Variants in BCAR3 observed in about 807,000 individuals in gnomAD.
BCAR3 encodes BCAR3 adaptor protein, NSP family member, also known as breast cancer anti-estrogen resistance protein 3.
BCAR3 carries 37 observed loss-of-function variants against 80.1 expected under a neutral mutation model. That is an observed-to-expected ratio of 0.46 (90% CI 0.36 to 0.61). BCAR3 has a LOEUF of 0.61. BCAR3 is among the 20% of genes least tolerant of loss of function. The pLI is 0.00. For missense variants in BCAR3, 978 were observed against 1,068.2 expected (o/e 0.92, Z 1.18); for synonymous variants, 389 against 418.9 (o/e 0.93, Z 0.87).
At chr1:93,759,564 T>C (rs1651863652) in intron 2 of BCAR3, among the ~76,000 whole-genome samples, 1 of 152,192 alleles carries the variant, frequency 6.6e-6, no homozygotes, top group South Asian at 2.1e-4. Context: ...TCCTGTTTTT[T>C]CTTCATTTTC....
At position 93,822,821 on chromosome 1, in the gene BCAR3, C is replaced by CATTTAAAGGGCCCGCAGCAGCA. The variant is rs1553174637; in HGVS notation, c.-63+22745_-63+22746insTGCTGCTGCGGGCCCTTTAAAT. 2.3e-4 allele frequency among the ~76,000 whole-genome samples: 31 copies of CATTTAAAGGGCCCGCAGCAGCA among 136,764 alleles called. 2 individuals carry two copies. Among genetic ancestry groups the CATTTAAAGGGCCCGCAGCAGCA allele is most frequent in the East Asian group, 1.4e-3 (5 of 3,622 alleles). 89.7% of individuals were successfully genotyped at this position (136,764 alleles called of 152,430 possible). Reference sequence around the variant, plus strand: ...CAGACACCTATGCTTACCTACCCATCAACTCATCACCACTCACTCTTGACT... The same window carrying CATTTAAAGGGCCCGCAGCAGCA: ...CAGACACCTATGCTTACCTACCCATCATTTAAAGGGCCCGCAGCAGCAAACTCATCACCACTCACTCTTGACT... On this transcript the variant is annotated intron_variant, in intron 2 of 13. Coordinates refer to the BCAR3 transcript ENST00000370244.
chr1:93,799,783 T>C (rs976860995), intron 2 of BCAR3, among the ~76,000 whole-genome samples: 17 of 152,324 alleles, frequency 1.1e-4, no homozygotes, highest in Admixed American at 3.3e-4. Context: ...TAGTTGGGCT[T>C]CCAGTATAAC....
At chr1:93,693,750 G>T (rs923054443) in intron 3 of BCAR3, among the ~76,000 whole-genome samples, 4 of 152,126 alleles carry the variant, frequency 2.6e-5, no homozygotes, top group African/African-American at 9.7e-5. Context: ...TGTAAACACG[G>T]ACTGCTGTGA....
intron 2 of BCAR3, among the ~76,000 whole-genome samples, chr1:93,759,540 T>C (rs776395306): frequency 2.0e-5 from 3 of 152,106 alleles, no homozygotes; most frequent in Non-Finnish European, 4.4e-5. Flanking sequence ...CAAGCAATTT[T>C]TGCTTTTTAA....
upstream of BCAR3, among the ~76,000 whole-genome samples, chr1:93,685,702 C>T (rs1395495377): frequency 6.6e-6 from 1 of 152,054 alleles, no homozygotes; most frequent in Non-Finnish European, 1.5e-5. Flanking sequence ...ATAAATAATG[C>T]CAAATTGCCT....
chr1:93,766,073 C>A (rs952290505), intron 2 of BCAR3, among the ~76,000 whole-genome samples: 2 of 152,192 alleles, frequency 1.3e-5, no homozygotes, highest in Non-Finnish European at 2.9e-5. Flanking sequence ...TACCCTTTGA[C>A]CATCATCTCC....
At chr1:93,713,393 G>A (rs1021575445) in intron 2 of BCAR3, among the ~76,000 whole-genome samples, 1 of 152,130 alleles carries the variant, frequency 6.6e-6, no homozygotes. Flanking sequence ...CAGATTCCTG[G>A]TCCAAGATTC....
chr1:93,675,192 A>T lies in BCAR3; in HGVS notation c.-11-251T>A, dbSNP rs61781001. Among the ~76,000 whole-genome samples the T allele has an allele frequency of 5.1e-3, 771 of 152,340 alleles. 3 individuals are homozygous for T. The highest frequency in any genetic ancestry group is 8.3e-3 in the Non-Finnish European group (563 of 68,034). On this transcript the variant is annotated intron_variant, in intron 1 of 11. Coordinates refer to ENST00000260502, the MANE Select transcript of BCAR3 (RefSeq NM_003567.4). ...AAACCAAGAGGGCAAACACTTTCAG[A>T]GTTGTTAGAGGCATATAAGCCATGC...
chr1:93,693,222 AG>A (rs1228532682), intron 3 of BCAR3, among the ~76,000 whole-genome samples: 1 of 152,244 alleles, frequency 6.6e-6, no homozygotes, highest in African/African-American at 2.4e-5. Flanking sequence ...TACCCAGTAC[AG>A]GGGAAATTTC....
chr1:93,819,500 T>A (rs1654141351), intron 2 of BCAR3, among the ~76,000 whole-genome samples: 2 of 152,244 alleles, frequency 1.3e-5, no homozygotes, highest in African/African-American at 2.4e-5. Flanking sequence ...TAGCAAAAGA[T>A]ACAAAGGTAG....
intron 3 of BCAR3, among the ~76,000 whole-genome samples, chr1:93,619,164 G>A (rs1341848264): frequency 6.6e-6 from 1 of 150,638 alleles, no homozygotes; most frequent in Non-Finnish European, 1.5e-5. Flanking sequence ...GCCAGGATGG[G>A]CTCGATCTCC....
At chr1:93,604,614 C>A (rs902661121) in intron 3 of BCAR3, among the ~76,000 whole-genome samples, 2 of 152,190 alleles carry the variant, frequency 1.3e-5, no homozygotes, top group African/African-American at 2.4e-5. Flanking sequence ...TGATGTTAAA[C>A]CCCTGTTACC....
intron 2 of BCAR3, among the ~76,000 whole-genome samples, chr1:93,770,856 G>A (rs2100741976): frequency 6.6e-6 from 1 of 152,012 alleles, no homozygotes; most frequent in Non-Finnish European, 1.5e-5. Context: ...CACCATTTTG[G>A]TGCACACTCC....
In BCAR3 at chr1:93,697,837, G is replaced by A. The variant is rs141936486; in HGVS notation, c.-12+8255C>T. On this transcript the variant is annotated intron_variant, in intron 3 of 13. Coordinates refer to the BCAR3 transcript ENST00000370244. ...CTACTAAAAACACAAAATTAGCCAG[G>A]CATGGTGGCGCATGCCTGTAATCCC... Among the ~76,000 whole-genome samples, 438 of 152,198 alleles carry A rather than the reference G, an allele frequency of 2.9e-3. 4 individuals are homozygous for A. Among genetic ancestry groups the A allele is most frequent in the African/African-American group, 0.01 (431 of 41,524 alleles).
chr1:93,659,720 C>T (rs896772167), intron 2 of BCAR3, among the ~76,000 whole-genome samples: 2 of 152,006 alleles, frequency 1.3e-5, no homozygotes, highest in African/African-American at 4.8e-5. Context: ...TCACCTTGCT[C>T]CTTACACTCC....
Position 93,660,327 on chromosome 1 carries a change from A to G in BCAR3, c.317+14287T>C, listed in dbSNP as rs752952055. On this transcript the variant is annotated intron_variant, in intron 2 of 11. Transcript: ENST00000260502. ...AGCAGCGCCTGGCTCCCCAGCCCCA[A>G]TGAGACCAGATGTTTTCAAAGTGAT... Among the ~76,000 whole-genome samples, 33 of 152,202 alleles carry G rather than the reference A, an allele frequency of 2.2e-4. 1 individual carries two copies. Among genetic ancestry groups the G allele is most frequent in the Non-Finnish European group, 1.3e-4 (9 of 68,030 alleles).
chr1:93,820,373 C>T (rs950532893), intron 2 of BCAR3, among the ~76,000 whole-genome samples: 2 of 152,156 alleles, frequency 1.3e-5, no homozygotes, highest in Admixed American at 1.3e-4. Context: ...AAAACTGACC[C>T]CCACTTCAGA....
intron 3 of BCAR3, among the ~76,000 whole-genome samples, chr1:93,637,774 T>C (rs1675837694): frequency 6.6e-6 from 1 of 152,144 alleles, no homozygotes; most frequent in Non-Finnish European, 1.5e-5. Context: ...AACAGGGATA[T>C]CGCACAATTA....
intron 7 of BCAR3, among the ~76,000 whole-genome samples, chr1:93,577,874 ATTTC>A (rs918970782): frequency 2.0e-5 from 3 of 152,144 alleles, no homozygotes; most frequent in Admixed American, 2.0e-4. Context: ...TCCAGTCTGC[ATTTC>A]GTCGGCACAT....
Sources: gnomAD v4.1 joint callset for allele counts (sites outside exome capture counted in the v4.1 genomes callset) on GRCh38, gnomAD v4.1.1 for gene constraint, MANE v1.5 for transcripts, NCBI Gene and HGNC (gene_info 2026-07-23, HGNC 2026-07-21) for gene names.